Variants in WDFY4 observed in about 807,000 individuals in gnomAD.
WDFY4 encodes WD repeat- and FYVE domain-containing protein 4.
In WDFY4, 169 loss-of-function variants were observed where a neutral mutation model predicts 351.9. The ratio of observed to expected loss-of-function variants is 0.48; its 90% CI spans 0.42 to 0.55. WDFY4 has a LOEUF of 0.55. WDFY4 is among the 20% of genes least tolerant of loss of function. The pLI is 0.00. For synonymous variants in WDFY4, 1,622 were observed against 1,574.6 expected (o/e 1.03, Z -0.71); for missense variants, 3,803 against 3,935.6 (o/e 0.97, Z 0.90).
At chr10:48,938,126 C>G (rs1426148661) in intron 47 of WDFY4, among the ~76,000 whole-genome samples, 1 of 152,244 alleles carries the variant, frequency 6.6e-6, no homozygotes, top group Non-Finnish European at 1.5e-5. Context: ...TGCTTCTTAA[C>G]TCAAGAAACA....
At chr10:48,727,856 G>T (rs12416601) in intron 7 of WDFY4, among the ~76,000 whole-genome samples, 197 bp downstream of exon 7, 11,141 of 152,258 alleles carry the variant, frequency 0.073, 606 homozygotes, top group East Asian at 0.24. Context: ...TTTACAAAGT[G>T]TACTTGTAGG....
chr10:48,734,566 C>T (rs899699041), intron 10 of WDFY4, among the ~76,000 whole-genome samples: 13 of 150,460 alleles, frequency 8.6e-5, no homozygotes, highest in Non-Finnish European at 5.9e-5. Flanking sequence ...ACACCAACAT[C>T]ATATCAGTGG....
At chr10:48,794,984 G>A (rs1040296387) in intron 23 of WDFY4, among the ~76,000 whole-genome samples, 8 of 152,134 alleles carry the variant, frequency 5.3e-5, no homozygotes, top group African/African-American at 1.4e-4. Context: ...TAGGGATGGA[G>A]GGAGGGTTAT....
At chr10:48,698,722 C>A (rs893829946) in intron 1 of WDFY4, among the ~76,000 whole-genome samples, 3 of 152,140 alleles carry the variant, frequency 2.0e-5, no homozygotes, top group African/African-American at 7.2e-5. Flanking sequence ...GTTCAATAAA[C>A]GCTGATGGGA....
At chr10:48,776,646 AAAC>A in intron 15 of WDFY4, 101 bp from the exon 16 acceptor site, 4 of 1,206,682 alleles carry the variant, frequency 3.3e-6, no homozygotes, top group Admixed American at 2.8e-5. Context: ...TGACTGTGCG[AAAC>A]TCTCTTTCTG....
rs550220194 is a variant in WDFY4 at position 48,915,131 on chromosome 10, A to G, written c.7586+13268A>G. Among the ~76,000 whole-genome samples, 8 of 152,342 alleles carry G rather than the reference A, an allele frequency of 5.3e-5. No homozygotes were observed. The South Asian group carries it at 1.7e-3, about 32-fold the overall frequency. ...CTTGTGTTTTCTTATTTGTGAAAAC[A>G]GACACCCTTACAGAGCTATGAGGGG... On this transcript the variant is annotated intron_variant, in intron 47 of 61. Transcript: ENST00000325239.
intron 43 of WDFY4, among the ~76,000 whole-genome samples, chr10:48,881,273 C>T (rs765874660): frequency 3.9e-5 from 6 of 152,342 alleles, no homozygotes; most frequent in East Asian, 3.9e-4. Flanking sequence ...GCCCAAGGGC[C>T]GTGTCAAGGG....
rs539660223 is a variant in WDFY4, at chr10:48,725,869, C to T, written c.592-12C>T. 1.4e-5 allele frequency: 21 copies of T among 1,533,002 alleles called. 1 individual carries two copies. The South Asian group carries it at 2.4e-4, about 17-fold the overall frequency. The allele number at this position is 1,533,002 out of a possible 1,614,324, so 95.0% of individuals were successfully genotyped here. A position where few individuals can be genotyped will look rare whatever the true frequency, so the allele number is the denominator to read the frequency against. ...CCAGGTCTCCTTGACTGTTTATCTT[C>T]TTATTTTTCAGATGTTGCTCAATAT... On this transcript the variant is annotated splice_polypyrimidine_tract_variant and intron_variant, in intron 5 of 61. Coordinates refer to ENST00000325239, the MANE Select transcript of WDFY4 (RefSeq NM_001394531.1).
intron 27 of WDFY4, 98 bp from the exon 28 acceptor site, chr10:48,807,761 T>C (rs1589659609): frequency 1.1e-5 from 15 of 1,368,116 alleles, no homozygotes; most frequent in Non-Finnish European, 1.5e-5. Flanking sequence ...CCACAATTCC[T>C]GGGTGAAATA....
At chr10:48,960,455 A>T (rs541533471) in intron 53 of WDFY4, among the ~76,000 whole-genome samples, 62 of 152,374 alleles carry the variant, frequency 4.1e-4, no homozygotes, top group African/African-American at 1.4e-3. Flanking sequence ...GGAATGCATG[A>T]GACATCAATG....
intron 39 of WDFY4, among the ~76,000 whole-genome samples, chr10:48,856,466 A>G (rs1450485690): frequency 6.6e-6 from 1 of 152,004 alleles, no homozygotes; most frequent in Non-Finnish European, 1.5e-5. Context: ...TTTTCTTCTG[A>G]TTCTTTTTTT....
intron 11 of WDFY4, among the ~76,000 whole-genome samples, chr10:48,741,760 G>A (rs1232263626): frequency 6.6e-6 from 1 of 151,986 alleles, no homozygotes; most frequent in Non-Finnish European, 1.5e-5. Flanking sequence ...TCCACACTGT[G>A]CCTTCTCAGA....
At chr10:48,864,030 G>A (rs2069445078) in intron 39 of WDFY4, among the ~76,000 whole-genome samples, 3 of 152,152 alleles carry the variant, frequency 2.0e-5, no homozygotes, top group African/African-American at 7.2e-5. Context: ...CCCTTGACAC[G>A]TGGAAATGAT....
intron 43 of WDFY4, among the ~76,000 whole-genome samples, chr10:48,887,644 TG>T (rs1376270233): frequency 1.3e-5 from 2 of 151,996 alleles, no homozygotes; most frequent in Non-Finnish European, 2.9e-5. Context: ...CCGGGCGTGG[TG>T]GTGGGTGCCT....
At chr10:48,975,122 C>T in intron 58 of WDFY4, 81 bp downstream of exon 58, 1 of 1,535,258 alleles carries the variant, frequency 6.5e-7, no homozygotes, top group Non-Finnish European at 8.8e-7. Flanking sequence ...AGCCCAGAGA[C>T]ACAGAGACTC....
At chr10:48,879,896 C>T (rs2070178511) in intron 43 of WDFY4, among the ~76,000 whole-genome samples, 1 of 152,218 alleles carries the variant, frequency 6.6e-6, no homozygotes, top group Admixed American at 6.5e-5. Context: ...TCCCCCAACA[C>T]CACCTCTCTG....
chr10:48,762,158 G>A (rs1044659436), intron 13 of WDFY4, among the ~76,000 whole-genome samples: 3 of 152,218 alleles, frequency 2.0e-5, no homozygotes, highest in African/African-American at 7.2e-5. Flanking sequence ...GGCATTATTA[G>A]TCACAGCCTA....
chr10:48,847,389 A>T (rs977001081), intron 39 of WDFY4, among the ~76,000 whole-genome samples: 1 of 152,206 alleles, frequency 6.6e-6, no homozygotes, highest in Non-Finnish European at 1.5e-5. Context: ...ATTGGGGGGA[A>T]CATGGTTTAG....
chr10:48,864,879 G>A (rs1428867227), intron 39 of WDFY4, among the ~76,000 whole-genome samples: 1 of 152,144 alleles, frequency 6.6e-6, no homozygotes, highest in African/African-American at 2.4e-5. Flanking sequence ...ATTAGTGGTG[G>A]ATAGGAACAC....
Sources: gnomAD v4.1 joint callset for allele counts (sites outside exome capture counted in the v4.1 genomes callset) on GRCh38, gnomAD v4.1.1 for gene constraint, MANE v1.5 for transcripts, NCBI Gene and HGNC (gene_info 2026-07-23, HGNC 2026-07-21) for gene names.